Variants in CLYBL observed in about 807,000 individuals in gnomAD.
The protein encoded by CLYBL is citramalyl-CoA lyase, mitochondrial.
CLYBL carries 31 observed loss-of-function variants against 38.9 expected under a neutral mutation model. The ratio of observed to expected loss-of-function variants is 0.80; its 90% CI spans 0.60 to 1.08. The LOEUF (loss-of-function observed/expected upper bound fraction) is 1.08, where lower values mean the gene tolerates loss of function less well. Among genes scored for constraint, CLYBL ranks in the 50% least tolerant of loss-of-function variants. The pLI is 0.00. For synonymous variants in CLYBL, 171 were observed against 158.6 expected (o/e 1.08, Z -0.59); for missense variants, 434 against 411.6 (o/e 1.05, Z -0.47).
At chr13:99,809,828 A>G (rs2050305963) in intron 2 of CLYBL, among the ~76,000 whole-genome samples, 1 of 152,190 alleles carries the variant, frequency 6.6e-6, no homozygotes, top group Non-Finnish European at 1.5e-5. Context: ...TCGGGAAGAC[A>G]TGCCAGTCTG....
At chr13:99,708,977 C>G (rs181870279) in intron 1 of CLYBL, among the ~76,000 whole-genome samples, 308 of 152,106 alleles carry the variant, frequency 2.0e-3, no homozygotes, top group Middle Eastern at 0.014. Context: ...CCTGTAGTCC[C>G]AGCTACTCGG....
At chr13:99,892,605 T>C (rs2052515353), downstream of CLYBL, 1 of 152,614 alleles carries the variant, frequency 6.6e-6, no homozygotes, top group South Asian at 2.1e-4. Flanking sequence ...ATTAACAGAA[T>C]GGGAAGTTTT....
At chr13:99,822,841 T>C (rs7988250) in intron 2 of CLYBL, among the ~76,000 whole-genome samples, 4,689 of 152,294 alleles carry the variant, frequency 0.031, 224 homozygotes, top group African/African-American at 0.11. Context: ...TTCAACTGTT[T>C]TAACTTCCTT....
At chr13:99,836,091 T>C (rs955361407) in intron 2 of CLYBL, among the ~76,000 whole-genome samples, 1 of 151,886 alleles carries the variant, frequency 6.6e-6, no homozygotes, top group African/African-American at 2.4e-5. Context: ...GTCCTCAGGG[T>C]GGGTGTTGGG....
chr13:99,768,655 G>T (rs1465880967), intron 1 of CLYBL, among the ~76,000 whole-genome samples: 1 of 151,860 alleles, frequency 6.6e-6, no homozygotes, highest in African/African-American at 2.4e-5. Context: ...GGGATTACAG[G>T]CATGTGCCAC....
chr13:99,699,674 C>G (rs1356351965), intron 1 of CLYBL, among the ~76,000 whole-genome samples: 1 of 147,550 alleles, frequency 6.8e-6, no homozygotes, highest in East Asian at 2.0e-4. Context: ...GCCTGGGTGA[C>G]AGACCAAGAC....
At chr13:99,840,596 A>G (rs891448641) in intron 2 of CLYBL, among the ~76,000 whole-genome samples, 1 of 151,922 alleles carries the variant, frequency 6.6e-6, no homozygotes, top group Admixed American at 6.5e-5. Flanking sequence ...TGTCTCTACA[A>G]AAAATTAGCC....
At chr13:99,716,313 G>A (rs1056499341) in intron 1 of CLYBL, among the ~76,000 whole-genome samples, 2 of 146,374 alleles carry the variant, frequency 1.4e-5, no homozygotes, top group East Asian at 2.0e-4. Flanking sequence ...CCCGGCAGAC[G>A]TCATTTTTCA....
At chr13:99,665,943 T>A (rs1354472487) in intron 1 of CLYBL, among the ~76,000 whole-genome samples, 1 of 152,200 alleles carries the variant, frequency 6.6e-6, no homozygotes, top group African/African-American at 2.4e-5. Flanking sequence ...TACTGTTTTT[T>A]AAAAATATTT....
In CLYBL at chr13:99,618,855, G is replaced by A. The variant is rs535959233; in HGVS notation, c.62+12098G>A. Among the ~76,000 whole-genome samples the A allele has an allele frequency of 2.0e-5, 3 of 152,184 alleles. No homozygotes were observed. In the East Asian group the frequency reaches 5.8e-4, roughly 29 times the overall value. ...TTTCACTCAGCATAATATCTTCCAAGGTGCATCCATGTTACAGCAGGTATC... is the reference window on the plus strand; with the variant it reads ...TTTCACTCAGCATAATATCTTCCAAAGTGCATCCATGTTACAGCAGGTATC... On this transcript the variant is annotated intron_variant, in intron 1 of 8. Transcript: ENST00000339105.
At chr13:99,806,926 A>C (rs1227958341) in intron 2 of CLYBL, among the ~76,000 whole-genome samples, 1 of 152,214 alleles carries the variant, frequency 6.6e-6, no homozygotes, top group African/African-American at 2.4e-5. Flanking sequence ...TTAACTCCAG[A>C]TGGCTGTGTC....
intron 1 of CLYBL, among the ~76,000 whole-genome samples, chr13:99,621,339 A>G (rs572898950): frequency 6.6e-6 from 1 of 151,990 alleles, no homozygotes; most frequent in South Asian, 2.1e-4. Context: ...TGCACCACTC[A>G]CCATGCCCCA....
chr13:99,807,657 G>C lies in CLYBL; in HGVS notation c.249+34647G>C, dbSNP rs192724964. 1.7e-4 allele frequency among the ~76,000 whole-genome samples: 26 copies of C among 151,930 alleles called. No individual in the cohort carries two copies. The East Asian group carries it at 3.9e-3, about 23-fold the overall frequency. On this transcript the variant is annotated intron_variant, in intron 2 of 8. Transcript: ENST00000339105. ...AGGAGAAAGACAGTTTCCAGGGGCC[G>C]GGGGGGAAGGAGGAACGGGGAGTGT...
At chr13:99,892,786 C>T (rs1040435904), downstream of CLYBL, 1 of 152,198 alleles carries the variant, frequency 6.6e-6, no homozygotes, top group African/African-American at 2.4e-5. Context: ...TCCTCTGCGG[C>T]CCCTAGCATG....
chr13:99,617,945 C>G (rs897220584), intron 1 of CLYBL, among the ~76,000 whole-genome samples: 13 of 152,168 alleles, frequency 8.5e-5, no homozygotes, highest in Non-Finnish European at 1.6e-4. Flanking sequence ...GCCTCCACCC[C>G]GCTAAGCAGC....
chr13:99,904,276 G>A (rs1034061071), intron 8 of CLYBL, among the ~76,000 whole-genome samples: 3 of 152,144 alleles, frequency 2.0e-5, no homozygotes, highest in Non-Finnish European at 4.4e-5. Context: ...AAGAGAAACA[G>A]CCAGACAGAA....
At chr13:99,623,230 A>G (rs1358015893) in intron 1 of CLYBL, among the ~76,000 whole-genome samples, 1 of 152,214 alleles carries the variant, frequency 6.6e-6, no homozygotes. Flanking sequence ...GCAATGTACA[A>G]GCGTTCTGAT....
Position 99,865,451 on chromosome 13 carries a change from C to T in CLYBL, c.634+540C>T, listed in dbSNP as rs1474937734. On this transcript the variant is annotated intron_variant, in intron 5 of 8. Coordinates refer to ENST00000339105, the MANE Select transcript of CLYBL (RefSeq NM_206808.5). The surrounding 1 kb of genome is among the most constrained non-coding windows in gnomAD (Gnocchi z 4.7). ...TGATTTTCACCGATTCTCACCATCC[C>T]TTGTGAGCTGCACTTGAGGGGTCTG... 6.6e-6 allele frequency among the ~76,000 whole-genome samples: 1 copy of T among 152,156 alleles called. No homozygotes were observed. Among genetic ancestry groups the T allele is most frequent in the Admixed American group, 6.5e-5 (1 of 15,286 alleles).
intron 6 of CLYBL, among the ~76,000 whole-genome samples, chr13:99,867,888 G>T (rs1015367041): frequency 6.6e-6 from 1 of 152,132 alleles, no homozygotes; most frequent in Non-Finnish European, 1.5e-5. Context: ...CTCCTCTGGG[G>T]TAAATGTTTG....
Sources: allele counts gnomAD v4.1 joint callset (sites outside exome capture counted in the v4.1 genomes callset), GRCh38; gene constraint gnomAD v4.1.1; non-coding constraint Gnocchi (gnomAD v3.1); transcripts MANE v1.5; gene names NCBI Gene and HGNC (gene_info 2026-07-23, HGNC 2026-07-21).